Variants in DSCAM observed in about 807,000 individuals in gnomAD.
DSCAM encodes the protein cell adhesion molecule DSCAM.
Under a neutral mutation model 217.7 loss-of-function variants are expected in DSCAM, and 47 were observed. That is an observed-to-expected ratio of 0.22 (90% CI 0.17 to 0.28). The LOEUF is 0.28. DSCAM is among the 10% of genes least tolerant of loss of function. The probability of loss-of-function intolerance (pLI) is 1.00; values close to 1 mark genes in which losing one functional copy is unlikely to be tolerated. For missense variants in DSCAM, 2,080 were observed against 2,618.3 expected, an observed-to-expected ratio of 0.79 and a Z score of 4.49; for synonymous variants, 1,056 against 1,015.3, an observed-to-expected ratio of 1.04 and a Z score of -0.76.
At chr21:40,818,720 T>C (rs1601306473) in intron 1 of DSCAM, among the ~76,000 whole-genome samples, 1 of 151,868 alleles carries the variant, frequency 6.6e-6, no homozygotes, top group East Asian at 1.9e-4. Context: ...ACACTGAGGT[T>C]AAGAACAGAA....
At chr21:40,433,652 A>G (rs2075556841) in intron 3 of DSCAM, among the ~76,000 whole-genome samples, 1 of 152,212 alleles carries the variant, frequency 6.6e-6, no homozygotes, top group Non-Finnish European at 1.5e-5. Context: ...AAGAGACTGC[A>G]CAATGTCACC....
intron 3 of DSCAM, among the ~76,000 whole-genome samples, chr21:40,425,628 T>G (rs1474706911): frequency 6.8e-6 from 1 of 146,640 alleles, no homozygotes; most frequent in African/African-American, 2.5e-5. Flanking sequence ...GGAGAATCGC[T>G]TGAACTCCAG....
Position 40,292,895 on chromosome 21 carries a change from G to A in DSCAM, c.2182+3160C>T, listed in dbSNP as rs375754684. Among the ~76,000 whole-genome samples the A allele has an allele frequency of 8.6e-5, 13 of 151,936 alleles. No individual in the cohort carries two copies. The East Asian group carries it at 1.6e-3, about 18-fold the overall frequency. ...GGACTACAGGTGGCCGCCACCACGC[G>A]TGGCTAATTTTTTTGCATTTTTAGT... is the stretch of plus-strand genomic sequence containing the variant. On this transcript the variant is annotated intron_variant, in intron 10 of 32. Transcript: ENST00000400454.
intron 1 of DSCAM, among the ~76,000 whole-genome samples, chr21:40,819,830 C>T (rs1361602965): frequency 6.6e-6 from 1 of 152,200 alleles, no homozygotes; most frequent in Non-Finnish European, 1.5e-5. Context: ...TTGATCCTCA[C>T]TCCCCTCTTA....
chr21:40,600,367 A>G (rs753078230), intron 3 of DSCAM, among the ~76,000 whole-genome samples: 5 of 152,130 alleles, frequency 3.3e-5, no homozygotes, highest in South Asian at 2.1e-4. Flanking sequence ...ACGTCCTCAC[A>G]TGGTGGAAGA....
At chr21:40,843,017 G>A (rs2092115378) in intron 1 of DSCAM, among the ~76,000 whole-genome samples, 1 of 152,176 alleles carries the variant, frequency 6.6e-6, no homozygotes, top group East Asian at 1.9e-4. Context: ...AAAGATGGGG[G>A]AGAAAGGGAA....
intron 1 of DSCAM, among the ~76,000 whole-genome samples, chr21:40,775,597 G>T (rs1427286213): frequency 1.3e-5 from 2 of 152,174 alleles, no homozygotes; most frequent in African/African-American, 4.8e-5. Flanking sequence ...CTCTCTGAGA[G>T]CTGGGACAGA....
intron 8 of DSCAM, 108 bp from the exon 9 acceptor site, chr21:40,312,467 G>T: frequency 1.6e-6 from 2 of 1,249,554 alleles, no homozygotes; most frequent in Non-Finnish European, 2.2e-6. Flanking sequence ...CATAGATACA[G>T]CATAGAAATA....
chr21:40,072,636 C>A (rs533684663), intron 27 of DSCAM, among the ~76,000 whole-genome samples: 2 of 152,176 alleles, frequency 1.3e-5, no homozygotes, highest in Admixed American at 6.5e-5. Context: ...GTGTGAGCCA[C>A]CGCACCCGGC....
chr21:40,276,127 C>T lies in DSCAM; in HGVS notation c.2326G>A (p.Val776Ile), dbSNP rs764389856. 8.7e-6 allele frequency: 14 copies of T among 1,605,194 alleles called. No homozygotes were observed. The highest frequency in any genetic ancestry group is 1.3e-5 in the African/African-American group (1 of 74,448). The change falls in exon 11 of 33, where the codon GTC (valine) becomes ATC (isoleucine). Residue 776 changes from valine to isoleucine, a missense_variant. By Grantham distance (29) the Val-to-Ile change is conservative. Transcript: ENST00000400454. ...ACCGTGAGGTACATGGACTTGCTGA[C>T]GTCTGCGCCCACATCGTTGCTGACC... The part of the protein sequence containing the change: ...CKVSNDVGAD[V>I]SKSMYLTVKI...
chr21:40,737,259 T>C (rs2837799), intron 1 of DSCAM, among the ~76,000 whole-genome samples: 122,022 of 152,192 alleles, frequency 0.8, 49,264 homozygotes, highest in African/African-American at 0.89. Flanking sequence ...GGATCACAAG[T>C]GTATATATAT....
At chr21:40,217,371 T>C (rs1569005477) in intron 11 of DSCAM, among the ~76,000 whole-genome samples, 3 of 152,252 alleles carry the variant, frequency 2.0e-5, no homozygotes, top group South Asian at 4.1e-4. Flanking sequence ...GTCAACATAA[T>C]ACTACATATA....
At chr21:40,686,216 C>A (rs1020653758) in intron 3 of DSCAM, among the ~76,000 whole-genome samples, 16 of 30,606 alleles carry the variant, frequency 5.2e-4, no homozygotes, top group African/African-American at 1.0e-3. Context: ...TCCACACACA[C>A]ACACACACAC....
Position 40,530,761 on chromosome 21 carries a change from C to A in DSCAM, c.509-161516G>T, listed in dbSNP as rs181873373. 1.6e-3 allele frequency among the ~76,000 whole-genome samples: 237 copies of A among 152,240 alleles called. 5 individuals carry two copies. The highest frequency in any genetic ancestry group is 5.9e-5 in the Non-Finnish European group (4 of 68,014). Reference sequence around the variant, plus strand: ...TCCTAGAGCCACAGTTTCCACCACCCACCCCATCGCTCGATAAGGGAGTCA... The same window carrying A: ...TCCTAGAGCCACAGTTTCCACCACCAACCCCATCGCTCGATAAGGGAGTCA... On this transcript the variant is annotated intron_variant, in intron 3 of 32. Transcript: ENST00000400454.
intron 3 of DSCAM, among the ~76,000 whole-genome samples, chr21:40,634,596 A>T (rs889964222): frequency 3.3e-5 from 5 of 152,270 alleles, no homozygotes; most frequent in African/African-American, 7.2e-5. Flanking sequence ...TGTTCTCTGT[A>T]ATAGTATCTT....
At chr21:40,608,878 G>A (rs549393413) in intron 3 of DSCAM, among the ~76,000 whole-genome samples, 10 of 152,238 alleles carry the variant, frequency 6.6e-5, no homozygotes, top group Non-Finnish European at 8.8e-5. Flanking sequence ...GCTACCACTC[G>A]TTTTCACCCT....
intron 3 of DSCAM, among the ~76,000 whole-genome samples, chr21:40,399,817 G>A (rs548119676): frequency 6.6e-6 from 1 of 152,298 alleles, no homozygotes; most frequent in South Asian, 2.1e-4. Context: ...ACCTCACACT[G>A]CCCTTAAGAG....
intron 3 of DSCAM, among the ~76,000 whole-genome samples, chr21:40,491,506 A>C: frequency 6.6e-6 from 1 of 151,248 alleles, no homozygotes; most frequent in Non-Finnish European, 1.5e-5. Context: ...TGCAGTTGCT[A>C]AAACAGAAAT....
intron 3 of DSCAM, among the ~76,000 whole-genome samples, chr21:40,464,160 G>C (rs530628739): frequency 5.9e-5 from 9 of 152,278 alleles, no homozygotes; most frequent in Admixed American, 5.9e-4. Flanking sequence ...TCTGCAGCCT[G>C]ACTGCTTCCT....
Sources: allele counts gnomAD v4.1 joint callset (sites outside exome capture counted in the v4.1 genomes callset), GRCh38; gene constraint gnomAD v4.1.1; transcripts MANE v1.5; gene names NCBI Gene and HGNC (gene_info 2026-07-23, HGNC 2026-07-21).